The following NEGR1 variants were observed in gnomAD, a reference collection of about 807,000 sequenced individuals.
The protein encoded by NEGR1 is neuronal growth regulator 1.
Under a neutral mutation model 40.9 loss-of-function variants are expected in NEGR1, and 10 were observed. The observed-to-expected ratio is 0.24, with a 90% CI of 0.15 to 0.42. NEGR1 has a LOEUF of 0.42. NEGR1 is among the 10% of genes least tolerant of loss of function. The pLI, the probability that NEGR1 is intolerant of heterozygous loss-of-function variation, is 1.00. For synonymous variants in NEGR1, 185 were observed against 166.8 expected (o/e 1.11, Z -0.84); for missense variants, 352 against 438.9 (o/e 0.80, Z 1.77).
intron 1 of NEGR1, chr1:72,274,653 T>G: frequency 1.2e-6 from 1 of 866,158 alleles, no homozygotes; most frequent in Non-Finnish European, 2.0e-6. Context: ...CAAGGCTAAG[T>G]GCTATTTATG....
At chr1:71,772,756 G>T (rs1656373099) in intron 3 of NEGR1, among the ~76,000 whole-genome samples, 1 of 152,088 alleles carries the variant, frequency 6.6e-6, no homozygotes, top group Non-Finnish European at 1.5e-5. Context: ...AGGCCAAGAT[G>T]TATGCAACTT....
chr1:71,828,267 C>T (rs1359773561), intron 2 of NEGR1, among the ~76,000 whole-genome samples: 1 of 151,884 alleles, frequency 6.6e-6, no homozygotes, highest in Non-Finnish European at 1.5e-5. Context: ...TAGTTCAGTT[C>T]TCTGCTCAAT....
intron 1 of NEGR1, among the ~76,000 whole-genome samples, chr1:72,262,061 A>C (rs1655476583): frequency 6.6e-6 from 1 of 152,008 alleles, no homozygotes; most frequent in East Asian, 1.9e-4. Context: ...ATCATGAAAG[A>C]GCATATCACG....
chr1:71,495,097 C>G (rs1047021365), intron 6 of NEGR1, among the ~76,000 whole-genome samples: 1 of 152,082 alleles, frequency 6.6e-6, no homozygotes, highest in South Asian at 2.1e-4. Context: ...ACATAAAATA[C>G]AAAATATGTT....
At chr1:72,265,785 G>C (rs1336230652) in intron 1 of NEGR1, among the ~76,000 whole-genome samples, 1 of 150,348 alleles carries the variant, frequency 6.7e-6, no homozygotes, top group Non-Finnish European at 1.5e-5. Flanking sequence ...ACAAATCATA[G>C]GACTGTCATC....
chr1:71,661,476 CT>C (rs1473859816), intron 4 of NEGR1, among the ~76,000 whole-genome samples: 1 of 152,086 alleles, frequency 6.6e-6, no homozygotes, highest in Non-Finnish European at 1.5e-5. Flanking sequence ...CAAATAAACT[CT>C]AGTAGAGATG....
At chr1:72,055,487 T>C (rs1647102146) in intron 1 of NEGR1, among the ~76,000 whole-genome samples, 1 of 151,134 alleles carries the variant, frequency 6.6e-6, no homozygotes, top group Non-Finnish European at 1.5e-5. Context: ...GGAGATAAAG[T>C]GTAATTGTTT....
At chr1:72,065,764 T>C (rs11806767) in intron 1 of NEGR1, among the ~76,000 whole-genome samples, 2,285 of 152,260 alleles carry the variant, frequency 0.015, 54 homozygotes, top group African/African-American at 0.052. Context: ...TATTTTGCAT[T>C]AATCAATGCT....
chr1:72,043,143 T>C (rs996905432), intron 1 of NEGR1, among the ~76,000 whole-genome samples: 4 of 151,950 alleles, frequency 2.6e-5, no homozygotes, highest in Admixed American at 6.6e-5. Flanking sequence ...GCCTAGTCCA[T>C]GAAGCCTCCT....
chr1:71,962,826 A>T (rs1416056471), intron 1 of NEGR1, among the ~76,000 whole-genome samples: 1 of 151,896 alleles, frequency 6.6e-6, no homozygotes, highest in Non-Finnish European at 1.5e-5. Context: ...TGAAAAAAAA[A>T]GATGAGTCAC....
chr1:71,798,694 A>T (rs554879231), intron 2 of NEGR1, among the ~76,000 whole-genome samples: 1 of 152,132 alleles, frequency 6.6e-6, no homozygotes, highest in East Asian at 1.9e-4. Context: ...GAAACCTAAT[A>T]TTTTTTTTCC....
intron 3 of NEGR1, among the ~76,000 whole-genome samples, chr1:71,748,876 C>G (rs777741906): frequency 1.3e-5 from 2 of 149,286 alleles, no homozygotes; most frequent in Admixed American, 6.6e-5. Context: ...ACAGGAGGAA[C>G]AAAAAAAAAT....
At chr1:71,947,450 A>T (rs1487790661) in intron 1 of NEGR1, among the ~76,000 whole-genome samples, 1 of 152,108 alleles carries the variant, frequency 6.6e-6, no homozygotes, top group Non-Finnish European at 1.5e-5. Flanking sequence ...GATGAGAGGG[A>T]TACAACAAAC....
chr1:71,748,549 C>G (rs1436092826), intron 3 of NEGR1, among the ~76,000 whole-genome samples: 1 of 152,040 alleles, frequency 6.6e-6, no homozygotes, highest in Non-Finnish European at 1.5e-5. Context: ...ATACCTGTAT[C>G]CTGAAGAAAA....
At chr1:71,634,945 C>A (rs1352711084) in intron 4 of NEGR1, among the ~76,000 whole-genome samples, 1 of 151,960 alleles carries the variant, frequency 6.6e-6, no homozygotes, top group Non-Finnish European at 1.5e-5. Context: ...AAGGCCTGGG[C>A]AGGAATAAGA....
intron 4 of NEGR1, among the ~76,000 whole-genome samples, chr1:71,687,759 T>C (rs1422756781): frequency 2.6e-5 from 4 of 152,180 alleles, no homozygotes; most frequent in African/African-American, 9.6e-5. Context: ...ACTATCTTTC[T>C]AAAAGTCTCC....
intron 1 of NEGR1, among the ~76,000 whole-genome samples, chr1:72,240,985 T>C (rs1408767692): frequency 1.3e-5 from 2 of 151,790 alleles, no homozygotes; most frequent in Non-Finnish European, 2.9e-5. Context: ...TAAAATTAGA[T>C]AAAAAAACTG....
chr1:72,102,752 C>T (rs1163602086), intron 1 of NEGR1, among the ~76,000 whole-genome samples: 1 of 152,142 alleles, frequency 6.6e-6, no homozygotes, highest in Non-Finnish European at 1.5e-5. Flanking sequence ...CATTTATATT[C>T]ACTTATAAAG....
At chr1:71,623,027 A>T (rs1570117507) in intron 4 of NEGR1, among the ~76,000 whole-genome samples, 1 of 151,922 alleles carries the variant, frequency 6.6e-6, no homozygotes, top group Non-Finnish European at 1.5e-5. Context: ...TTCAGTTATT[A>T]TCATTGTTTA....
Sources: allele counts gnomAD v4.1 joint callset (sites outside exome capture counted in the v4.1 genomes callset), GRCh38; gene constraint gnomAD v4.1.1; transcripts MANE v1.5; gene names NCBI Gene and HGNC (gene_info 2026-07-23, HGNC 2026-07-21).